BEST3: variants seen among roughly 807,000 people sequenced by gnomAD.
BEST3 encodes the protein bestrophin-3.
BEST3 carries 50 observed loss-of-function variants against 47.1 expected under a neutral mutation model. The observed-to-expected ratio is 1.06, with a 90% CI of 0.85 to 1.34. The LOEUF (loss-of-function observed/expected upper bound fraction) is 1.34. Among genes scored for constraint, BEST3 ranks in the 40% most tolerant of loss-of-function variants. The probability of loss-of-function intolerance (pLI) is 0.00; values close to 1 mark genes in which losing one functional copy is unlikely to be tolerated. For missense variants in BEST3, 765 were observed against 817.0 expected (o/e 0.94, Z 0.78); for synonymous variants, 282 against 298.8 (o/e 0.94, Z 0.58).
chr12:69,658,430 A>G (rs1249722602), intron 9 of BEST3, among the ~76,000 whole-genome samples: 8 of 152,134 alleles, frequency 5.3e-5, no homozygotes, highest in Non-Finnish European at 8.8e-5. Context: ...TGCTCTTGCT[A>G]TGTTGGACTG....
At chr12:69,646,396 T>C (rs1883036655) in intron 9 of BEST3, among the ~76,000 whole-genome samples, 1 of 152,166 alleles carries the variant, frequency 6.6e-6, no homozygotes, top group Non-Finnish European at 1.5e-5. Context: ...CTAGATCTGA[T>C]TTGGTTTTAT....
At chr12:69,659,280 C>G (rs1360232212) in intron 9 of BEST3, among the ~76,000 whole-genome samples, 1 of 152,182 alleles carries the variant, frequency 6.6e-6, no homozygotes. Flanking sequence ...CTCCTCCTTT[C>G]TCTGGTAGCC....
At chr12:69,644,884 A>T (rs1046659786) in intron 9 of BEST3, among the ~76,000 whole-genome samples, 4 of 152,226 alleles carry the variant, frequency 2.6e-5, no homozygotes, top group African/African-American at 9.6e-5. Context: ...TTGATAAATC[A>T]TTGCTGATTG....
At position 69,677,225 on chromosome 12, in the gene BEST3, G is replaced by A; in HGVS notation, c.669C>T (p.Leu223=). The change falls in exon 6 of 10, where the codon CTC becomes CTT. Residue 223 remains leucine (L), a synonymous_variant. Transcript: ENST00000330891. ...EMNRYRSWCS[L]LFGYDWVGIP... Reference sequence around the variant, plus strand: ...TCCCAACCCAGTCATAACCGAATAAGAGGCTGCACCAAGAGCGGTATCGAT... The same window carrying A: ...TCCCAACCCAGTCATAACCGAATAAAAGGCTGCACCAAGAGCGGTATCGAT... 1 of 1,613,632 alleles carries A rather than the reference G, an allele frequency of 6.2e-7. No individual in the cohort carries two copies. The highest frequency in any genetic ancestry group is 1.1e-5 in the South Asian group (1 of 90,962).
chr12:69,699,065 G>C, intron 1 of BEST3, 140 bp downstream of exon 1: 4 of 398,164 alleles, frequency 1.0e-5, no homozygotes, highest in Non-Finnish European at 1.4e-5. Context: ...ACTCCCGGTA[G>C]TTTTAAATAA....
chr12:69,655,681 T>G lies in BEST3; in HGVS notation c.1233A>C (p.Arg411Ser), dbSNP rs868539267. Reference protein sequence around the residue: ...AHEHPSSPRRRSYRRQTSDSS... With the variant: ...AHEHPSSPRRSSYRRQTSDSS... ...TGTCACTTGTCTGCCTCCTGTAGCT[T>G]CTTCTTCTGGGGCTGGAGGGGTGTT... The change falls in exon 10 of 10, where the codon AGA becomes AGC. Residue 411 changes from arginine to serine, a missense_variant. By Grantham distance (110) the Arg-to-Ser change is moderately radical (BLOSUM62 -1). Transcript: ENST00000330891. 2 of 1,613,978 alleles carry G rather than the reference T, an allele frequency of 1.2e-6. No individual in the cohort carries two copies. Among genetic ancestry groups the G allele is most frequent in the African/African-American group, 2.7e-5 (2 of 74,992 alleles).
downstream of BEST3, among the ~76,000 whole-genome samples, chr12:69,653,208 C>G (rs1218086788): frequency 1.3e-5 from 2 of 152,182 alleles, no homozygotes; most frequent in Non-Finnish European, 2.9e-5. Flanking sequence ...GTACTCCAAG[C>G]TGGAGCAATG....
intron 9 of BEST3, chr12:69,660,246 T>G (rs754751616): frequency 1.3e-5 from 2 of 152,220 alleles, no homozygotes; most frequent in Non-Finnish European, 2.9e-5. Context: ...AAAAGGACTC[T>G]GTCAATGACT....
At chr12:69,658,707 A>T (rs1315798758) in intron 9 of BEST3, among the ~76,000 whole-genome samples, 1 of 152,240 alleles carries the variant, frequency 6.6e-6, no homozygotes, top group African/African-American at 2.4e-5. Context: ...GGATGGATAG[A>T]AAAGGGACAG....
rs549282722 is a variant in BEST3 at position 69,679,657 on chromosome 12, T to C, written c.482-764A>G. 2.5e-4 allele frequency among the ~76,000 whole-genome samples: 38 copies of C among 152,262 alleles called. No homozygotes were observed. The South Asian group carries it at 7.3e-3, about 29-fold the overall frequency. ...GGGTGGATCACTTGAGGTCAGGAGTTCAACACGAGCCTGGCCAACATGGTG... is the reference window on the plus strand; with the variant it reads ...GGGTGGATCACTTGAGGTCAGGAGTCCAACACGAGCCTGGCCAACATGGTG... On this transcript the variant is annotated intron_variant, in intron 4 of 9. Transcript: ENST00000330891.
intron 4 of BEST3, among the ~76,000 whole-genome samples, chr12:69,681,051 ACT>A (rs1054040949): frequency 1.1e-4 from 16 of 151,852 alleles, no homozygotes; most frequent in African/African-American, 3.9e-4. Flanking sequence ...TGCTGTAATG[ACT>A]CTCCTGGTAT....
intron 9 of BEST3, among the ~76,000 whole-genome samples, chr12:69,644,440 G>GGGA (rs1882968809): frequency 6.6e-6 from 1 of 152,158 alleles, no homozygotes; most frequent in African/African-American, 2.4e-5. Flanking sequence ...TTGAAATAGG[G>GGGA]GGAGGAGGAT....
intron 4 of BEST3, among the ~76,000 whole-genome samples, chr12:69,682,188 TTTTCC>T (rs1270194570): frequency 1.3e-5 from 2 of 152,124 alleles, no homozygotes; most frequent in East Asian, 3.9e-4. Flanking sequence ...TTCTTTTAAA[TTTTCC>T]TGGGTGATTT....
At chr12:69,674,640 G>A (rs752386513) in intron 7 of BEST3, among the ~76,000 whole-genome samples, 127 of 152,138 alleles carry the variant, frequency 8.3e-4, no homozygotes, top group Non-Finnish European at 1.1e-3. Flanking sequence ...TCATTTTTAT[G>A]CAATCAGTCC....
Position 69,693,766 on chromosome 12 carries a change from C to A in BEST3, c.389G>T (p.Arg130Leu). Residue 130 changes from arginine (R) to leucine (L), a missense_variant, in exon 4 of 10, where the codon CGC becomes CTC. Arg to Leu is a moderately radical substitution (Grantham distance 102). Coordinates refer to ENST00000330891, the MANE Select transcript of BEST3 (RefSeq NM_032735.3). Reference protein sequence around the residue: ...HGRLLRRTLMRYVNLTSLLIF... With the variant: ...HGRLLRRTLMLYVNLTSLLIF... ...GAGCAGGGAGGTGAGATTGACGTAG[C>A]GCATCAGCGTCCTTCTAAGCAGGCG... The A allele has an allele frequency of 6.2e-7, 1 of 1,614,136 alleles. No individual in the cohort carries two copies. Among genetic ancestry groups the A allele is most frequent in the Non-Finnish European group, 8.5e-7 (1 of 1,180,024 alleles).
At chr12:69,671,616 G>A in intron 8 of BEST3, 37 bp from the exon 9 acceptor site, 1 of 1,601,208 alleles carries the variant, frequency 6.2e-7, no homozygotes, top group Non-Finnish European at 8.6e-7. Context: ...TAACTCAGAT[G>A]TAAATTAAAT....
At chr12:69,693,554 C>T (rs1290448798) in intron 4 of BEST3, 120 bp downstream of exon 4, 44 of 868,632 alleles carry the variant, frequency 5.1e-5, no homozygotes, top group Non-Finnish European at 7.2e-5. Context: ...CATGAGCCAC[C>T]GCGCCCAACC....
intron 4 of BEST3, among the ~76,000 whole-genome samples, chr12:69,682,631 A>G (rs1885326010): frequency 6.6e-6 from 1 of 151,796 alleles, no homozygotes; most frequent in Non-Finnish European, 1.5e-5. Flanking sequence ...ACTGGAGTGC[A>G]GTGGTGTGAT....
chr12:69,687,574 G>A (rs1885695406), intron 4 of BEST3: 1 of 151,150 alleles, frequency 6.6e-6, no homozygotes, highest in South Asian at 2.1e-4. Context: ...TGAGGCAGGA[G>A]GATGGCTTGA....
Sources: gnomAD v4.1 joint callset for allele counts (sites outside exome capture counted in the v4.1 genomes callset) on GRCh38, gnomAD v4.1.1 for gene constraint, MANE v1.5 for transcripts, NCBI Gene and HGNC (gene_info 2026-07-23, HGNC 2026-07-21) for gene names.